The following BCAS3 variants were observed in gnomAD, a reference collection of about 807,000 sequenced individuals.
The protein encoded by BCAS3 is BCAS3 microtubule associated cell migration factor.
In BCAS3, 53 loss-of-function variants were observed where a neutral mutation model predicts 116.1. The observed-to-expected ratio is 0.46, with a 90% CI of 0.37 to 0.57. BCAS3 has a LOEUF of 0.57. Among genes scored for constraint, BCAS3 ranks in the 20% least tolerant of loss-of-function variants. The pLI, the probability that BCAS3 is intolerant of heterozygous loss-of-function variation, is 0.00. For synonymous variants in BCAS3, 391 were observed against 408.2 expected, an observed-to-expected ratio of 0.96 and a Z score of 0.51; for missense variants, 917 against 1,165.4, an observed-to-expected ratio of 0.79 and a Z score of 3.10.
At chr17:60,746,755 C>G (rs963716108) in intron 5 of BCAS3, among the ~76,000 whole-genome samples, 28 of 152,052 alleles carry the variant, frequency 1.8e-4, no homozygotes, top group African/African-American at 6.5e-4. Context: ...ATAAGTATAC[C>G]TAAGTTATTC....
chr17:60,817,041 C>A (rs150557539), intron 7 of BCAS3, among the ~76,000 whole-genome samples: 10 of 152,308 alleles, frequency 6.6e-5, no homozygotes, highest in Admixed American at 1.3e-4. Context: ...ATAATTAGCT[C>A]TCACCAAATA....
In BCAS3 at chr17:61,220,107, A is replaced by G. The variant is rs2082026746; in HGVS notation, c.2425+135543A>G. Among the ~76,000 whole-genome samples the G allele has an allele frequency of 6.6e-6, 1 of 152,120 alleles. No homozygotes were observed. Among genetic ancestry groups the G allele is most frequent in the African/African-American group, 2.4e-5 (1 of 41,426 alleles). On this transcript the variant is annotated intron_variant, in intron 22 of 23. Coordinates refer to ENST00000407086, the MANE Select transcript of BCAS3 (RefSeq NM_017679.5). This position sits in a 1 kb window ranked among gnomAD's most constrained non-coding sequence, Gnocchi z 4.5. ...TCAGGAGTTTGAGACCAGCCTGGCC[A>G]ATACAGTGAAATCACGTCTCTACTA...
intron 23 of BCAS3, among the ~76,000 whole-genome samples, chr17:61,373,311 A>T (rs1603141958): frequency 6.6e-6 from 1 of 152,178 alleles, no homozygotes; most frequent in Non-Finnish European, 1.5e-5. Context: ...GCTGGTCTCG[A>T]ACTCCTGGCC....
At position 60,956,638 on chromosome 17, in the gene BCAS3, T is replaced by C. The variant is rs2061148198; in HGVS notation, c.1221+9286T>C. ...GCATAGAATGGAGCCTTGCATATTG[T>C]AGTGCAAATGTTTGCTAATGCCAGT... On this transcript the variant is annotated intron_variant, in intron 14 of 23. Coordinates refer to ENST00000407086, the MANE Select transcript of BCAS3 (RefSeq NM_017679.5). The surrounding 1 kb of genome is among the most constrained non-coding windows in gnomAD (Gnocchi z 4.2). 6.6e-6 allele frequency among the ~76,000 whole-genome samples: 1 copy of C among 152,192 alleles called. No homozygotes were observed. The highest frequency in any genetic ancestry group is 2.1e-4 in the South Asian group (1 of 4,834).
chr17:60,770,081 G>A (rs2044510715), intron 6 of BCAS3, among the ~76,000 whole-genome samples: 1 of 152,026 alleles, frequency 6.6e-6, no homozygotes, highest in Non-Finnish European at 1.5e-5. Flanking sequence ...TCCAAGTTTG[G>A]TTCTTAGAAT....
At position 60,725,240 on chromosome 17, in the gene BCAS3, A is replaced by AT. The variant is rs147813615; in HGVS notation, c.321+15921dup. On this transcript the variant is annotated intron_variant, in intron 5 of 23. Transcript: ENST00000407086. ...AGATGTGTAGTAATTCTTATACTCT[A>AT]TTTTTTCATTGGTTTAATTGTCTGC... Among the ~76,000 whole-genome samples, 624 of 152,188 alleles carry AT rather than the reference A, an allele frequency of 4.1e-3. 6 individuals are homozygous for AT. Among genetic ancestry groups the AT allele is most frequent in the African/African-American group, 0.015 (602 of 41,512 alleles).
intron 6 of BCAS3, among the ~76,000 whole-genome samples, chr17:60,807,557 G>A (rs1252743451): frequency 2.0e-5 from 3 of 152,056 alleles, no homozygotes; most frequent in African/African-American, 7.2e-5. Flanking sequence ...TGAGGCGGGT[G>A]GATCACTTGA....
chr17:61,234,815 G>A (rs2082905691), intron 22 of BCAS3, among the ~76,000 whole-genome samples: 1 of 148,368 alleles, frequency 6.7e-6, no homozygotes, highest in South Asian at 2.1e-4. Context: ...TCATAGTACT[G>A]CTTCGCATTT....
At chr17:60,832,509 C>CT (rs34957375) in intron 7 of BCAS3, among the ~76,000 whole-genome samples, 1 of 152,136 alleles carries the variant, frequency 6.6e-6, no homozygotes, top group South Asian at 2.1e-4. Context: ...TCTGTGTGTG[C>CT]TTTTTTATCC....
rs2058739395 is a variant in BCAS3, at chr17:61,366,458, G to T, written c.2426-1869G>T. On this transcript the variant is annotated intron_variant, in intron 22 of 23. Coordinates refer to ENST00000407086, the MANE Select transcript of BCAS3 (RefSeq NM_017679.5). This position sits in a 1 kb window ranked among gnomAD's most constrained non-coding sequence, Gnocchi z 4.5. ...AAGCTTAGTGGATGTCAGCAGTCCT[G>T]TGTGTCCCTGGGGAGCTAGGCACCT... is the stretch of plus-strand genomic sequence containing the variant. Among the ~76,000 whole-genome samples the T allele has an allele frequency of 6.6e-6, 1 of 152,230 alleles. No individual in the cohort carries two copies. The highest frequency in any genetic ancestry group is 6.5e-5 in the Admixed American group (1 of 15,286).
At chr17:61,289,668 T>C (rs966381246) in intron 22 of BCAS3, among the ~76,000 whole-genome samples, 1 of 152,182 alleles carries the variant, frequency 6.6e-6, no homozygotes, top group African/African-American at 2.4e-5. Flanking sequence ...CACTGCTTAA[T>C]GTCAAAGCCT....
At chr17:61,263,663 T>C (rs1175218545) in intron 22 of BCAS3, among the ~76,000 whole-genome samples, 1 of 152,228 alleles carries the variant, frequency 6.6e-6, no homozygotes, top group Non-Finnish European at 1.5e-5. Flanking sequence ...AGGAAAGTTT[T>C]TGAAGCAACA....
chr17:60,975,266 G>T (rs2062257709), intron 14 of BCAS3, among the ~76,000 whole-genome samples: 1 of 152,056 alleles, frequency 6.6e-6, no homozygotes, highest in Admixed American at 6.5e-5. Flanking sequence ...CTCCCAAAGT[G>T]CTGGGATTAC....
At chr17:61,236,348 C>G (rs1355753534) in intron 22 of BCAS3, among the ~76,000 whole-genome samples, 1 of 152,158 alleles carries the variant, frequency 6.6e-6, no homozygotes, top group Admixed American at 6.6e-5. Context: ...GAGATGGAGT[C>G]TCGCTCTGTC....
At chr17:60,703,714 A>G (rs1386161444) in intron 4 of BCAS3, among the ~76,000 whole-genome samples, 1 of 152,008 alleles carries the variant, frequency 6.6e-6, no homozygotes, top group African/African-American at 2.4e-5. Flanking sequence ...GGAGATCGAG[A>G]CCATCCTGGC....
chr17:60,779,664 C>T (rs894682976), intron 6 of BCAS3, among the ~76,000 whole-genome samples: 30 of 152,198 alleles, frequency 2.0e-4, no homozygotes, highest in African/African-American at 6.7e-4. Context: ...CCATCGCGCC[C>T]GGCAGAATTT....
At position 61,034,769 on chromosome 17, in the gene BCAS3, G is replaced by A; in HGVS notation, c.1741G>A (p.Ala581Thr). ...ATCCAGGTCATGGTTTGCAAATAAT[G>A]CAGGTCTGAAAAGAGAAAAAGGTAT... ...GTSRSWFANN[A>T]GLKREKDQSK... is the part of the protein sequence containing the mutation. The change falls in exon 17 of 24, where the codon GCA (alanine) becomes ACA (threonine). Residue 581 changes from alanine to threonine, a missense_variant. This residue lies in a region of BCAS3 where 807 missense variants were observed against 1,026.0 expected (regional missense o/e 0.79). Transcript: ENST00000407086. The surrounding 1 kb of genome is among the most constrained non-coding windows in gnomAD (Gnocchi z 5.0). 1 of 1,611,586 alleles carries A rather than the reference G, an allele frequency of 6.2e-7. No homozygotes were observed. The highest frequency in any genetic ancestry group is 8.5e-7 in the Non-Finnish European group (1 of 1,178,952).
At chr17:61,250,892 A>G (rs1568667946) in intron 22 of BCAS3, among the ~76,000 whole-genome samples, 3 of 152,312 alleles carry the variant, frequency 2.0e-5, no homozygotes, top group Middle Eastern at 3.4e-3. Context: ...ATTATCCTAC[A>G]TTAGACAATC....
At chr17:61,338,536 C>T (rs919060987) in intron 22 of BCAS3, among the ~76,000 whole-genome samples, 5 of 151,972 alleles carry the variant, frequency 3.3e-5, no homozygotes, top group African/African-American at 4.8e-5. Context: ...GGAAGTGTTT[C>T]TTTAACTTTT....
Sources: gnomAD v4.1 joint callset for allele counts (sites outside exome capture counted in the v4.1 genomes callset) on GRCh38, gnomAD v4.1.1 for gene constraint, gnomAD v4.1.1 regional missense constraint, Gnocchi (gnomAD v3.1) non-coding constraint, MANE v1.5 for transcripts, NCBI Gene and HGNC (gene_info 2026-07-23, HGNC 2026-07-21) for gene names.